C10orf90: variants seen among roughly 807,000 people sequenced by gnomAD.
C10orf90 encodes the protein (E2-independent) E3 ubiquitin-conjugating enzyme FATS.
Under a neutral mutation model 62.5 loss-of-function variants are expected in C10orf90, and 56 were observed. The ratio of observed to expected loss-of-function variants is 0.90; its 90% CI spans 0.72 to 1.12. The LOEUF (loss-of-function observed/expected upper bound fraction) is 1.12. Ranked by LOEUF, C10orf90 falls within the 50% of genes most tolerant of loss-of-function variation. The pLI is 0.00. For synonymous variants in C10orf90, 386 were observed against 340.4 expected (o/e 1.13, Z -1.47); for missense variants, 970 against 880.4 (o/e 1.10, Z -1.29).
chr10:126,615,289 T>G (rs1415550741), intron 2 of C10orf90, among the ~76,000 whole-genome samples: 3 of 152,164 alleles, frequency 2.0e-5, no homozygotes, highest in Non-Finnish European at 4.4e-5. Flanking sequence ...GCTACAGAGA[T>G]GCATAATTCA....
chr10:126,601,549 A>C (rs1845198736), intron 2 of C10orf90, among the ~76,000 whole-genome samples: 1 of 152,202 alleles, frequency 6.6e-6, no homozygotes, highest in Non-Finnish European at 1.5e-5. Context: ...ACTTGACCTC[A>C]AACAAGCCAT....
Position 126,547,253 on chromosome 10 carries a change from A to G in C10orf90, c.314-33314T>C, listed in dbSNP as rs898225008. 4.2e-4 allele frequency among the ~76,000 whole-genome samples: 64 copies of G among 151,972 alleles called. 1 individual carries two copies. The highest frequency in any genetic ancestry group is 1.5e-3 in the African/African-American group (64 of 41,348). On this transcript the variant is annotated intron_variant, in intron 2 of 9. Transcript: ENST00000488181. ...GCTAACGCGGTGAAACCCCATCTCTACAAAAAATAAAAAAAATTAGCCGGG... is the reference window on the plus strand; with the variant it reads ...GCTAACGCGGTGAAACCCCATCTCTGCAAAAAATAAAAAAAATTAGCCGGG...
chr10:126,623,839 T>TA (rs1845692385), intron 2 of C10orf90, among the ~76,000 whole-genome samples: 1 of 136,632 alleles, frequency 7.3e-6, no homozygotes, highest in Admixed American at 7.3e-5. Context: ...AGACTCCATC[T>TA]CAAAAAAAAA....
chr10:126,470,234 T>C (rs1363992742), intron 4 of C10orf90: 6 of 372,316 alleles, frequency 1.6e-5, no homozygotes, highest in East Asian at 1.5e-4. Flanking sequence ...TTCTGCATGA[T>C]GCATGCTAAT....
At chr10:126,447,885 T>C (rs982929023) in intron 7 of C10orf90, among the ~76,000 whole-genome samples, 1 of 152,060 alleles carries the variant, frequency 6.6e-6, no homozygotes, top group Non-Finnish European at 1.5e-5. Context: ...TCTTGCTCTG[T>C]TTCCGGGTTG....
chr10:126,515,677 AC>A (rs974925803), intron 2 of C10orf90, among the ~76,000 whole-genome samples: 2 of 152,158 alleles, frequency 1.3e-5, no homozygotes, highest in Non-Finnish European at 2.9e-5. Flanking sequence ...GCACTGCTTG[AC>A]TGTAACTGAA....
intron 2 of C10orf90, among the ~76,000 whole-genome samples, chr10:126,604,717 G>T (rs2134046116): frequency 6.6e-6 from 1 of 152,298 alleles, no homozygotes; most frequent in Admixed American, 6.5e-5. Context: ...AAACACAGAT[G>T]TCACTGAGGT....
intron 4 of C10orf90, among the ~76,000 whole-genome samples, chr10:126,466,984 T>C (rs1249219075): frequency 6.6e-6 from 1 of 152,200 alleles, no homozygotes; most frequent in Non-Finnish European, 1.5e-5. Context: ...TTATTAAAGC[T>C]CTCTGACAGA....
At chr10:126,508,796 G>A (rs1427465794) in intron 3 of C10orf90, among the ~76,000 whole-genome samples, 7 of 152,150 alleles carry the variant, frequency 4.6e-5, no homozygotes, top group Non-Finnish European at 8.8e-5. Flanking sequence ...AGGCTTCCTC[G>A]TACTGTGGTC....
intron 2 of C10orf90, among the ~76,000 whole-genome samples, chr10:126,561,879 A>G (rs945652051): frequency 5.9e-5 from 9 of 152,230 alleles, no homozygotes; most frequent in African/African-American, 2.2e-4. Context: ...TAAATTTGGA[A>G]GTTAAGTTAG....
intron 4 of C10orf90, among the ~76,000 whole-genome samples, chr10:126,465,747 T>C (rs999600743): frequency 1.4e-4 from 21 of 152,204 alleles, no homozygotes; most frequent in African/African-American, 5.1e-4. Flanking sequence ...CCTATGTCCA[T>C]TGATAGGGGA....
chr10:126,478,298 C>T (rs560195734), intron 4 of C10orf90, among the ~76,000 whole-genome samples: 1 of 152,218 alleles, frequency 6.6e-6, no homozygotes, highest in Non-Finnish European at 1.5e-5. Context: ...GTCACTCCAT[C>T]CATCTGGTCT....
At chr10:126,605,337 G>A (rs371712599) in intron 2 of C10orf90, among the ~76,000 whole-genome samples, 11 of 151,492 alleles carry the variant, frequency 7.3e-5, no homozygotes, top group Middle Eastern at 3.4e-3. Flanking sequence ...CAGGGCCCTC[G>A]TCTGAGATGC....
intron 2 of C10orf90, among the ~76,000 whole-genome samples, chr10:126,627,953 A>G (rs557393808): frequency 1.3e-5 from 2 of 152,358 alleles, no homozygotes; most frequent in African/African-American, 4.8e-5. Context: ...ATGCTGGGCC[A>G]GTTTTCTCCG....
rs115570018 is a variant in C10orf90, at chr10:126,537,163, C to T, written c.314-23224G>A. On this transcript the variant is annotated intron_variant, in intron 2 of 9. Coordinates refer to ENST00000488181, the MANE Select transcript of C10orf90 (RefSeq NM_001350921.2). ...GTCAAATCACCCTGATGCCCTTACA[C>T]GATTCAATAAGAAAAATAGCCCAGA... 1.8e-3 allele frequency among the ~76,000 whole-genome samples: 270 copies of T among 152,232 alleles called. 2 individuals are homozygous for T. Among genetic ancestry groups the T allele is most frequent in the African/African-American group, 6.2e-3 (258 of 41,536 alleles).
intron 7 of C10orf90, among the ~76,000 whole-genome samples, chr10:126,439,268 G>A (rs887214352): frequency 2.0e-5 from 3 of 152,076 alleles, no homozygotes; most frequent in Admixed American, 6.5e-5. Flanking sequence ...ACCTAGAACT[G>A]CCACACTCCA....
chr10:126,603,170 C>CA (rs147116997), intron 2 of C10orf90, among the ~76,000 whole-genome samples: 9,981 of 152,150 alleles, frequency 0.066, 484 homozygotes, highest in South Asian at 0.22. Flanking sequence ...CTAATAAAGA[C>CA]ACATCTGAGA....
intron 2 of C10orf90, among the ~76,000 whole-genome samples, chr10:126,527,161 C>A (rs563018745): frequency 1.3e-5 from 2 of 152,306 alleles, no homozygotes; most frequent in East Asian, 3.9e-4. Flanking sequence ...CAAAGTGTAC[C>A]ATTTTGCATT....
intron 2 of C10orf90, among the ~76,000 whole-genome samples, chr10:126,590,505 AT>A (rs1844957041): frequency 6.6e-6 from 1 of 152,216 alleles, no homozygotes; most frequent in Non-Finnish European, 1.5e-5. Flanking sequence ...CCACAGAACA[AT>A]AAAATTAGAA....
Sources: gnomAD v4.1 joint callset for allele counts (sites outside exome capture counted in the v4.1 genomes callset) on GRCh38, gnomAD v4.1.1 for gene constraint, MANE v1.5 for transcripts, NCBI Gene and HGNC (gene_info 2026-07-23, HGNC 2026-07-21) for gene names.